Variants in RNF180 observed in about 807,000 individuals in gnomAD.
RNF180 encodes E3 ubiquitin-protein ligase RNF180.
In RNF180, 38 loss-of-function variants were observed where a neutral mutation model predicts 59.2. The observed-to-expected ratio is 0.64, with a 90% CI of 0.50 to 0.84. The LOEUF is 0.84. RNF180 is among the 40% of genes least tolerant of loss of function. The pLI is 0.00. For synonymous variants in RNF180, 262 were observed against 240.3 expected (o/e 1.09, Z -0.84); for missense variants, 705 against 700.9 (o/e 1.01, Z -0.07).
intron 7 of RNF180, among the ~76,000 whole-genome samples, chr5:64,356,001 G>C (rs1304039063): frequency 1.3e-5 from 2 of 151,664 alleles, no homozygotes; most frequent in Non-Finnish European, 2.9e-5. Flanking sequence ...AAAGTAAATT[G>C]AACTTGATCA....
intron 5 of RNF180, among the ~76,000 whole-genome samples, chr5:64,282,075 G>A (rs1031654674): frequency 2.0e-5 from 3 of 151,834 alleles, no homozygotes; most frequent in African/African-American, 7.3e-5. Flanking sequence ...CTTTTTTGTT[G>A]TTGTTGTATC....
At chr5:64,215,255 C>CT (rs955564438) in intron 4 of RNF180, among the ~76,000 whole-genome samples, 16 of 149,238 alleles carry the variant, frequency 1.1e-4, no homozygotes, top group Admixed American at 2.7e-4. Context: ...TCTGAATAAA[C>CT]TTTTTTTTTT....
In RNF180 at chr5:64,174,803, A is replaced by G. The variant is rs570242317; in HGVS notation, c.-1+8850A>G. ...AGAAACTTTTTAGTTAAATATAAATATAATCCTGCTTGTCTATTTTTGTTT... is the reference window on the plus strand; with the variant it reads ...AGAAACTTTTTAGTTAAATATAAATGTAATCCTGCTTGTCTATTTTTGTTT... On this transcript the variant is annotated intron_variant, in intron 1 of 7. Transcript: ENST00000389100. Among the ~76,000 whole-genome samples the G allele has an allele frequency of 5.9e-5, 9 of 152,236 alleles. No homozygotes were observed. The South Asian group carries it at 1.9e-3, about 32-fold the overall frequency.
chr5:64,351,035 C>A (rs1436405735), intron 7 of RNF180, among the ~76,000 whole-genome samples: 5 of 151,986 alleles, frequency 3.3e-5, no homozygotes, highest in African/African-American at 7.3e-5. Flanking sequence ...TTCTTCCTAT[C>A]CATGAGCATG....
Position 64,214,227 on chromosome 5 carries a change from G to A in RNF180, c.901G>A (p.Glu301Lys), listed in dbSNP as rs768745114. The change falls in exon 4 of 8, where the codon GAG (glutamate) becomes AAG (lysine). Residue 301 changes from glutamate to lysine, a missense_variant. Glu to Lys is a moderately conservative substitution (Grantham distance 56). Coordinates refer to ENST00000389100, the MANE Select transcript of RNF180 (RefSeq NM_001113561.2). ...LLQRFSVAPH[E>K]TQTQRGGEFQ... ...GCAAAGATTTTCAGTGGCCCCCCATGAGACCCAGACACAAAGAGGAGGAGA... is the reference window on the plus strand; with the variant it reads ...GCAAAGATTTTCAGTGGCCCCCCATAAGACCCAGACACAAAGAGGAGGAGA... The A allele has an allele frequency of 6.2e-7, 1 of 1,613,934 alleles. No individual in the cohort carries two copies. The highest frequency in any genetic ancestry group is 8.5e-7 in the Non-Finnish European group (1 of 1,180,022).
At chr5:64,190,900 C>T (rs547926663) in intron 1 of RNF180, among the ~76,000 whole-genome samples, 1 of 152,104 alleles carries the variant, frequency 6.6e-6, no homozygotes, top group Non-Finnish European at 1.5e-5. Flanking sequence ...TGTTTAAGCC[C>T]CCTAGTCTGT....
chr5:64,353,299 A>C (rs576241078), intron 7 of RNF180, among the ~76,000 whole-genome samples: 13 of 151,814 alleles, frequency 8.6e-5, no homozygotes, highest in Non-Finnish European at 1.8e-4. Flanking sequence ...ATATAAAATG[A>C]CTATTAGAAA....
chr5:64,312,626 C>G (rs527811590), intron 5 of RNF180, among the ~76,000 whole-genome samples: 1 of 152,156 alleles, frequency 6.6e-6, no homozygotes, highest in African/African-American at 2.4e-5. Flanking sequence ...ATCAGTAAGG[C>G]AACATAGCTT....
At chr5:64,219,303 C>G (rs959081220) in intron 5 of RNF180, among the ~76,000 whole-genome samples, 1 of 152,128 alleles carries the variant, frequency 6.6e-6, no homozygotes, top group African/African-American at 2.4e-5. Flanking sequence ...CCGCCATAAA[C>G]TACACTTTGT....
intron 1 of RNF180, among the ~76,000 whole-genome samples, chr5:64,178,953 A>C (rs1750415103): frequency 6.6e-6 from 1 of 152,174 alleles, no homozygotes; most frequent in Middle Eastern, 3.2e-3. Context: ...ATTCTTTTAA[A>C]AAAAACCTTT....
chr5:64,223,816 C>G (rs942380311), intron 5 of RNF180, among the ~76,000 whole-genome samples: 3 of 151,892 alleles, frequency 2.0e-5, no homozygotes, highest in Non-Finnish European at 4.4e-5. Context: ...ATTGAGGATA[C>G]AACAATGAAT....
intron 7 of RNF180, among the ~76,000 whole-genome samples, chr5:64,347,992 A>G (rs1745621582): frequency 6.6e-6 from 1 of 152,144 alleles, no homozygotes; most frequent in Non-Finnish European, 1.5e-5. Flanking sequence ...TTTGTGAACA[A>G]GATCATTATT....
intron 1 of RNF180, among the ~76,000 whole-genome samples, chr5:64,174,062 T>C (rs1163470772): frequency 6.6e-6 from 1 of 152,174 alleles, no homozygotes; most frequent in Admixed American, 6.5e-5. Flanking sequence ...GCAGATTTTG[T>C]CTTTCTGTGC....
intron 2 of RNF180, among the ~76,000 whole-genome samples, chr5:64,204,318 T>C (rs1317765676): frequency 2.6e-5 from 4 of 152,176 alleles, no homozygotes; most frequent in South Asian, 2.1e-4. Context: ...TTTGCACACA[T>C]TGGCATTAGT....
rs943243161 is a variant in RNF180, at chr5:64,194,299, C to G, written c.1-6509C>G. Among the ~76,000 whole-genome samples the G allele has an allele frequency of 9.2e-5, 14 of 152,242 alleles. 1 individual carries two copies. The highest frequency in any genetic ancestry group is 3.4e-4 in the African/African-American group (14 of 41,552). ...GATAGTTTGCTGAGAATGATGGTTT[C>G]CAGCTTCATCCATGTCCCTACAAAG... is the stretch of plus-strand genomic sequence containing the variant. On this transcript the variant is annotated intron_variant, in intron 1 of 7. Coordinates refer to ENST00000389100, the MANE Select transcript of RNF180 (RefSeq NM_001113561.2).
chr5:64,185,518 T>A (rs1344347096), intron 1 of RNF180, among the ~76,000 whole-genome samples: 2 of 152,188 alleles, frequency 1.3e-5, no homozygotes, highest in East Asian at 3.9e-4. Context: ...TAATTTAGTT[T>A]CTAATTAGGT....
chr5:64,169,039 G>C (rs1390410376), intron 1 of RNF180, among the ~76,000 whole-genome samples: 1 of 152,156 alleles, frequency 6.6e-6, no homozygotes, highest in South Asian at 2.1e-4. Context: ...TAAAGCAGAA[G>C]GGGCTACTTA....
intron 3 of RNF180, 29 bp from the exon 4 acceptor site, chr5:64,213,529 C>T (rs752530810): frequency 2.6e-6 from 4 of 1,554,212 alleles, no homozygotes; most frequent in African/African-American, 2.8e-5. Flanking sequence ...AATGAAAGCA[C>T]TGTCTTTATT....
At chr5:64,238,039 C>A (rs1742558245) in intron 5 of RNF180, among the ~76,000 whole-genome samples, 1 of 152,164 alleles carries the variant, frequency 6.6e-6, no homozygotes, top group South Asian at 2.1e-4. Context: ...CAGACTAATA[C>A]AGTCTATGAA....
Sources: allele counts gnomAD v4.1 joint callset (sites outside exome capture counted in the v4.1 genomes callset), GRCh38; gene constraint gnomAD v4.1.1; transcripts MANE v1.5; gene names NCBI Gene and HGNC (gene_info 2026-07-23, HGNC 2026-07-21).